HTRA4: variants seen among roughly 807,000 people sequenced by gnomAD.
HTRA4 encodes serine protease HTRA4.
Under a neutral mutation model 49.1 loss-of-function variants are expected in HTRA4, and 46 were observed. The observed-to-expected ratio is 0.94, with a 90% CI of 0.74 to 1.20. The LOEUF is 1.20. Ranked by LOEUF, HTRA4 falls within the 50% of genes most tolerant of loss-of-function variation. The pLI, the probability that HTRA4 is intolerant of heterozygous loss-of-function variation, is 0.00. For synonymous variants in HTRA4, 261 were observed against 264.0 expected (o/e 0.99, Z 0.11); for missense variants, 602 against 636.9 (o/e 0.95, Z 0.59).
chr8:38,982,228 T>C (rs1048705424), intron 6 of HTRA4, among the ~76,000 whole-genome samples: 1 of 152,180 alleles, frequency 6.6e-6, no homozygotes, highest in Non-Finnish European at 1.5e-5. Context: ...TGAGCAGCAA[T>C]ATTGGGGGAC....
intron 4 of HTRA4, among the ~76,000 whole-genome samples, 163 bp downstream of exon 4, chr8:38,978,310 C>T (rs1031262287): frequency 6.6e-6 from 1 of 152,156 alleles, no homozygotes; most frequent in Non-Finnish European, 1.5e-5. Flanking sequence ...ATTAAATTCT[C>T]ATAGGAGTGC....
chr8:38,974,436 G>T lies in HTRA4; in HGVS notation c.173G>T (p.Gly58Val). The T allele has an allele frequency of 6.5e-7, 1 of 1,545,546 alleles. No individual in the cohort carries two copies. Among genetic ancestry groups the T allele is most frequent in the African/African-American group, 1.4e-5 (1 of 73,408 alleles). ...RCPALPTCAL[G>V]TTPVFDLCRC... Reference sequence around the variant, plus strand: ...CCCGCGCTGCCCACCTGCGCGCTGGGGACCACGCCGGTGTTCGACCTGTGC... The same window carrying T: ...CCCGCGCTGCCCACCTGCGCGCTGGTGACCACGCCGGTGTTCGACCTGTGC... The change falls in exon 1 of 9, where the codon GGG (glycine) becomes GTG (valine). Residue 58 changes from glycine (G) to valine (V), a missense_variant. Physicochemically the swap from Gly to Val is moderately radical, Grantham distance 109. Transcript: ENST00000302495.
In HTRA4 at chr8:38,988,169, T is replaced by C. The variant is rs111417775; in HGVS notation, c.*71T>C. ...TATATCACGTGGTTTGTATTGGAGATGTGCCAAACATGGCAAGAAGTTTTT... is the reference window on the plus strand; with the variant it reads ...TATATCACGTGGTTTGTATTGGAGACGTGCCAAACATGGCAAGAAGTTTTT... On this transcript the variant is annotated 3_prime_UTR_variant, in exon 9 of 9. Coordinates refer to ENST00000302495, the MANE Select transcript of HTRA4 (RefSeq NM_153692.4). 6.4e-3 allele frequency: 8,703 copies of C among 1,350,746 alleles called. 463 individuals are homozygous for C. In the African/African-American group the frequency reaches 0.12, roughly 18 times the overall value. 83.7% of individuals were successfully genotyped at this position (1,350,746 alleles called of 1,614,324 possible). A position where few individuals can be genotyped will look rare whatever the true frequency, so the allele number is the denominator to read the frequency against.
intron 6 of HTRA4, 120 bp from the exon 7 acceptor site, chr8:38,982,378 C>T: frequency 2.5e-6 from 2 of 800,110 alleles, no homozygotes; most frequent in Admixed American, 4.5e-5. Flanking sequence ...GCCTGTGTTT[C>T]ATCCAGGTAA....
Position 38,976,754 on chromosome 8 carries a change from G to A in HTRA4, c.771+15G>A, listed in dbSNP as rs973497314. 2.5e-6 allele frequency: 4 copies of A among 1,613,398 alleles called. No individual in the cohort carries two copies. The highest frequency in any genetic ancestry group is 3.4e-6 in the Non-Finnish European group (4 of 1,179,570). On this transcript the variant is annotated intron_variant, in intron 3 of 8. Transcript: ENST00000302495. ...TTGAATCAAATGTGAGTATTTCAGG[G>A]CTGAGTCAGAGTCTACATATTTGGG... is the stretch of plus-strand genomic sequence containing the variant.
chr8:38,976,749 T>G lies in HTRA4; in HGVS notation c.771+10T>G. 1 of 1,613,942 alleles carries G rather than the reference T, an allele frequency of 6.2e-7. No individual in the cohort carries two copies. The highest frequency in any genetic ancestry group is 8.5e-7 in the Non-Finnish European group (1 of 1,179,830). On this transcript the variant is annotated intron_variant, in intron 3 of 8. Coordinates refer to ENST00000302495, the MANE Select transcript of HTRA4 (RefSeq NM_153692.4). The stretch of plus-strand genomic sequence containing the variant: ...TAAGATTGAATCAAATGTGAGTATT[T>G]CAGGGCTGAGTCAGAGTCTACATAT...
rs370743828 is a variant in HTRA4 at position 38,976,700 on chromosome 8, C to G, written c.732C>G (p.Asp244Glu). Reference protein sequence around the residue: ...ARYEAVVKDIDLKLDLAVIKI... With the variant: ...ARYEAVVKDIELKLDLAVIKI... ...ATGAAGCTGTTGTCAAGGATATTGACCTTAAATTGGATCTTGCGGTGATTA... is the reference window on the plus strand; with the variant it reads ...ATGAAGCTGTTGTCAAGGATATTGAGCTTAAATTGGATCTTGCGGTGATTA... Residue 244 changes from aspartate to glutamate, a missense_variant, in exon 3 of 9, where the codon GAC (aspartate) becomes GAG (glutamate). Coordinates refer to ENST00000302495, the MANE Select transcript of HTRA4 (RefSeq NM_153692.4). 11 of 1,614,002 alleles carry G rather than the reference C, an allele frequency of 6.8e-6. No individual in the cohort carries two copies. In the Middle Eastern group the frequency reaches 4.9e-4, roughly 72 times the overall value.
chr8:38,974,457 TG>T lies in HTRA4; in HGVS notation c.195del (p.Cys66AlafsTer141). 6.5e-7 allele frequency: 1 copy of T among 1,536,972 alleles called. No homozygotes were observed. The highest frequency in any genetic ancestry group is 8.7e-7 in the Non-Finnish European group (1 of 1,146,416). On this transcript the variant is annotated frameshift_variant, in exon 1 of 9. Transcript: ENST00000302495. LOFTEE classifies it high-confidence loss of function. ...CTGGGGACCACGCCGGTGTTCGACCTGTGCCGCTGTTGCCGCGTCTGCCCCG... is the reference window on the plus strand; with the variant it reads ...CTGGGGACCACGCCGGTGTTCGACCTTGCCGCTGTTGCCGCGTCTGCCCCG... Reference protein sequence around the residue: ...CALGTTPVFDLCRCCRVCPAA... With the variant: ...CALGTTPVFDXCRCCRVCPAA...
At chr8:38,975,567 C>A (rs934417619) in intron 2 of HTRA4, among the ~76,000 whole-genome samples, 1 of 152,136 alleles carries the variant, frequency 6.6e-6, no homozygotes, top group Non-Finnish European at 1.5e-5. Context: ...TGCCACCATA[C>A]CCAGCTAATA....
rs372702750 is a variant in HTRA4, at chr8:38,982,572, A to G, written c.1172+17A>G. 2.6e-5 allele frequency: 42 copies of G among 1,613,558 alleles called. No individual in the cohort carries two copies. The African/African-American group carries it at 5.5e-4, about 21-fold the overall frequency. ...CACTGTGCCGTAAGCATGTGTTTGA[A>G]TATGTCTGGGTTGTTTTTCAGAGGC... On this transcript the variant is annotated intron_variant, in intron 7 of 8. Coordinates refer to ENST00000302495, the MANE Select transcript of HTRA4 (RefSeq NM_153692.4).
At chr8:38,981,514 T>C in intron 5 of HTRA4, 139 bp from the exon 6 acceptor site, 1 of 623,534 alleles carries the variant, frequency 1.6e-6, no homozygotes, top group Non-Finnish European at 2.9e-6. Context: ...TCCGTTGCTC[T>C]CTTTTGAAGT....
At position 38,974,323 on chromosome 8, in the gene HTRA4, G is replaced by GCTGCTC. The variant is rs752886657; in HGVS notation, c.64_69dup (p.Leu22_Leu23dup). On this transcript the variant is annotated inframe_insertion, in exon 1 of 9. Transcript: ENST00000302495. ...GACGATGCCTCCTGCCGGGGCTGCT[G>GCTGCTC]CTGCTCCTGGTGCCCGTCCTCTGGG... is the stretch of plus-strand genomic sequence containing the variant. 56 of 1,612,816 alleles carry GCTGCTC rather than the reference G, an allele frequency of 3.5e-5. No individual in the cohort carries two copies. Among genetic ancestry groups the GCTGCTC allele is most frequent in the Non-Finnish European group, 4.7e-5 (56 of 1,179,820 alleles).
In HTRA4 at chr8:38,978,011, T is replaced by C. The variant is rs2129427158; in HGVS notation, c.830T>C (p.Val277Ala). Reference protein sequence around the residue: ...RSSDLRAGEFVVALGSPFSLQ... With the variant: ...RSSDLRAGEFAVALGSPFSLQ... ...TCTGACCTTCGGGCTGGAGAGTTTG[T>C]GGTGGCTTTGGGCAGCCCATTTTCT... is the stretch of plus-strand genomic sequence containing the variant. The change falls in exon 4 of 9, where the codon GTG becomes GCG. Residue 277 changes from valine to alanine, a missense_variant. By Grantham distance (64) the Val-to-Ala change is moderately conservative. Transcript: ENST00000302495. 3 of 1,614,160 alleles carry C rather than the reference T, an allele frequency of 1.9e-6. No homozygotes were observed. Among genetic ancestry groups the C allele is most frequent in the Non-Finnish European group, 2.5e-6 (3 of 1,180,038 alleles).
chr8:38,977,974 C>G lies in HTRA4; in HGVS notation c.793C>G (p.Leu265Val), dbSNP rs1835373255. ...GCAGGCTGAACTTCCTGTACTGATGCTGGGAAGATCATCTGACCTTCGGGC... is the reference window on the plus strand; with the variant it reads ...GCAGGCTGAACTTCCTGTACTGATGGTGGGAAGATCATCTGACCTTCGGGC... Reference protein sequence around the residue: ...ESNAELPVLMLGRSSDLRAGE... With the variant: ...ESNAELPVLMVGRSSDLRAGE... The change falls in exon 4 of 9, where the codon CTG (leucine) becomes GTG (valine). Residue 265 changes from leucine to valine, a missense_variant. Coordinates refer to ENST00000302495, the MANE Select transcript of HTRA4 (RefSeq NM_153692.4). The G allele has an allele frequency of 6.2e-7, 1 of 1,614,038 alleles. No homozygotes were observed. The highest frequency in any genetic ancestry group is 8.5e-7 in the Non-Finnish European group (1 of 1,179,996).
At position 38,982,585 on chromosome 8, in the gene HTRA4, G is replaced by A. The variant is rs182946954; in HGVS notation, c.1172+30G>A. On this transcript the variant is annotated intron_variant, in intron 7 of 8. Coordinates refer to ENST00000302495, the MANE Select transcript of HTRA4 (RefSeq NM_153692.4). ...GCATGTGTTTGAATATGTCTGGGTT[G>A]TTTTTCAGAGGCAAAAACCATAGCT... 1.1e-5 allele frequency: 18 copies of A among 1,609,678 alleles called. No individual in the cohort carries two copies. In the South Asian group the frequency reaches 2.0e-4, roughly 18 times the overall value.
chr8:38,984,589 A>C (rs1835462003), intron 8 of HTRA4, among the ~76,000 whole-genome samples: 1 of 151,838 alleles, frequency 6.6e-6, no homozygotes, highest in Admixed American at 6.6e-5. Flanking sequence ...CCTACTTAAA[A>C]AATATAAAAA....
At position 38,977,967 on chromosome 8, in the gene HTRA4, A is replaced by G. The variant is rs1245068749; in HGVS notation, c.786A>G (p.Val262=). 1 of 1,613,938 alleles carries G rather than the reference A, an allele frequency of 6.2e-7. No homozygotes were observed. Among genetic ancestry groups the G allele is most frequent in the South Asian group, 1.1e-5 (1 of 91,062 alleles). Reference sequence around the variant, plus strand: ...GGCACGTGCAGGCTGAACTTCCTGTACTGATGCTGGGAAGATCATCTGACC... The same window carrying G: ...GGCACGTGCAGGCTGAACTTCCTGTGCTGATGCTGGGAAGATCATCTGACC... ...IKIESNAELP[V]LMLGRSSDLR... is the part of the protein sequence containing the mutation. Residue 262 remains valine, a synonymous_variant, in exon 4 of 9, where the codon GTA becomes GTG. Transcript: ENST00000302495.
In HTRA4 at chr8:38,975,611, TA is replaced by T. The variant is rs560487964; in HGVS notation, c.566+482del. On this transcript the variant is annotated intron_variant, in intron 2 of 8. Coordinates refer to ENST00000302495, the MANE Select transcript of HTRA4 (RefSeq NM_153692.4). ...TTTTTGTAGAGACGAGGTCTTGTTA[TA>T]TTGCTCAGGCTGGTCTCGAACTCCT... Among the ~76,000 whole-genome samples the T allele has an allele frequency of 1.2e-3, 184 of 152,254 alleles. 1 individual carries two copies. Among genetic ancestry groups the T allele is most frequent in the African/African-American group, 4.3e-3 (180 of 41,538 alleles).
chr8:38,979,373 A>G (rs764469462), intron 5 of HTRA4, 126 bp downstream of exon 5: 2 of 872,372 alleles, frequency 2.3e-6, no homozygotes, highest in Non-Finnish European at 3.9e-6. Flanking sequence ...GCTTGGGGCC[A>G]GGAGTTTGAG....
Sources: gnomAD v4.1 joint callset for allele counts (sites outside exome capture counted in the v4.1 genomes callset) on GRCh38, gnomAD v4.1.1 for gene constraint, MANE v1.5 for transcripts, NCBI Gene and HGNC (gene_info 2026-07-23, HGNC 2026-07-21) for gene names.